Variants in MOXD1 observed in about 807,000 individuals in gnomAD.
MOXD1 encodes the protein monooxygenase DBH like 1, also known as DBH-like monooxygenase protein 1.
MOXD1 carries 62 observed loss-of-function variants against 66.6 expected under a neutral mutation model. The ratio of observed to expected loss-of-function variants is 0.93; its 90% CI spans 0.76 to 1.15. MOXD1 has a LOEUF of 1.15. Ranked by LOEUF, MOXD1 falls within the 50% of genes most tolerant of loss-of-function variation. The pLI, the probability that MOXD1 is intolerant of heterozygous loss-of-function variation, is 0.00. For missense variants in MOXD1, 847 were observed against 754.6 expected (o/e 1.12, Z -1.44); for synonymous variants, 303 against 281.9 (o/e 1.07, Z -0.75).
In MOXD1 at chr6:132,344,870, A is replaced by G. The variant is rs78398498; in HGVS notation, c.664-16276T>C. ...CTCACTCTCTGCTGAAAGCTGTTTC[A>G]TCACTCAGTAAAACTCTCCACCCTG... is the stretch of plus-strand genomic sequence containing the variant. On this transcript the variant is annotated intron_variant, in intron 4 of 11. Transcript: ENST00000367963. 2.1e-3 allele frequency among the ~76,000 whole-genome samples: 327 copies of G among 152,254 alleles called. 2 individuals carry two copies. The highest frequency in any genetic ancestry group is 7.7e-3 in the African/African-American group (318 of 41,546).
chr6:132,304,398 CA>C (rs568368118), intron 10 of MOXD1, among the ~76,000 whole-genome samples: 1 of 152,120 alleles, frequency 6.6e-6, no homozygotes, highest in Non-Finnish European at 1.5e-5. Flanking sequence ...TATCCCACCC[CA>C]AGCCAACTAA....
chr6:132,306,673 ACT>A (rs1476493870), intron 10 of MOXD1, among the ~76,000 whole-genome samples: 1 of 152,072 alleles, frequency 6.6e-6, no homozygotes, highest in Admixed American at 6.6e-5. Context: ...CTCAGCAGAA[ACT>A]CTACAAGCCA....
chr6:132,371,779 T>C (rs1052030224), intron 4 of MOXD1, among the ~76,000 whole-genome samples: 1 of 152,140 alleles, frequency 6.6e-6, no homozygotes, highest in Non-Finnish European at 1.5e-5. Context: ...TCATTCCTTA[T>C]CCACATCGCT....
intron 1 of MOXD1, among the ~76,000 whole-genome samples, chr6:132,385,107 G>C (rs1310050351): frequency 1.3e-5 from 2 of 152,328 alleles, no homozygotes; most frequent in East Asian, 3.9e-4. Context: ...GGAGCAGAAA[G>C]AAGGATGGCT....
At chr6:132,352,028 A>G (rs1424548950) in intron 4 of MOXD1, among the ~76,000 whole-genome samples, 1 of 152,094 alleles carries the variant, frequency 6.6e-6, no homozygotes, top group Non-Finnish European at 1.5e-5. Flanking sequence ...CTTCTAGGTT[A>G]ATCTTGTTAA....
intron 1 of MOXD1, among the ~76,000 whole-genome samples, chr6:132,396,670 T>A (rs534005278): frequency 1.9e-4 from 29 of 151,528 alleles, no homozygotes; most frequent in Admixed American, 7.2e-4. Flanking sequence ...CCACATAAAA[T>A]CAAAAATGAA....
chr6:132,349,408 T>C (rs978481523), intron 4 of MOXD1, among the ~76,000 whole-genome samples: 437 of 9,690 alleles, frequency 0.045, 56 homozygotes, highest in African/African-American at 0.14. Flanking sequence ...TATATATACA[T>C]ATATATATAT....
At chr6:132,378,353 A>G (rs1353723223) in intron 1 of MOXD1, among the ~76,000 whole-genome samples, 9 of 152,140 alleles carry the variant, frequency 5.9e-5, no homozygotes, top group South Asian at 2.1e-4. Flanking sequence ...TCTCTATGCA[A>G]GATTCCGAAA....
At chr6:132,317,225 A>G (rs547945392) in intron 9 of MOXD1, among the ~76,000 whole-genome samples, 1 of 152,130 alleles carries the variant, frequency 6.6e-6, no homozygotes, top group African/African-American at 2.4e-5. Flanking sequence ...AAGGTGAAAA[A>G]CTTAATATTG....
At chr6:132,317,769 C>T (rs567015306) in intron 9 of MOXD1, among the ~76,000 whole-genome samples, 1 of 152,136 alleles carries the variant, frequency 6.6e-6, no homozygotes, top group Non-Finnish European at 1.5e-5. Flanking sequence ...AGTACATTGA[C>T]TACTCCATGT....
Position 132,374,646 on chromosome 6 carries a change from A to G in MOXD1, c.396T>C (p.Asn132=), listed in dbSNP as rs1287766670. 1 of 1,613,826 alleles carries G rather than the reference A, an allele frequency of 6.2e-7. No individual in the cohort carries two copies. Among genetic ancestry groups the G allele is most frequent in the Non-Finnish European group, 8.5e-7 (1 of 1,179,962 alleles). ...FTRELHTCDI[N]DKSITDSTVR... ...GATGCCTTACCGTTATACTCTTGTCATTTATGTCACATGTATGCAGCTCTC... is the reference window on the plus strand; with the variant it reads ...GATGCCTTACCGTTATACTCTTGTCGTTTATGTCACATGTATGCAGCTCTC... The change falls in exon 2 of 12, where the codon AAT becomes AAC. Residue 132 remains asparagine, a synonymous_variant. Transcript: ENST00000367963.
intron 1 of MOXD1, among the ~76,000 whole-genome samples, chr6:132,386,762 C>T (rs575974211): frequency 6.6e-6 from 1 of 151,602 alleles, no homozygotes; most frequent in East Asian, 1.9e-4. Context: ...CTTCCAGTGA[C>T]AATGCTCATG....
chr6:132,344,982 GCTATGTGACAGGAACCAGCTGCC>G (rs1006483133), intron 4 of MOXD1, among the ~76,000 whole-genome samples: 3 of 152,194 alleles, frequency 2.0e-5, no homozygotes, highest in South Asian at 2.1e-4. Context: ...TGCAAAAGGA[GCTATGTGACAGGAACCAGCTGCC>G]CTATGTGACA....
chr6:132,363,259 G>A (rs1371844885), intron 4 of MOXD1, among the ~76,000 whole-genome samples: 2 of 151,158 alleles, frequency 1.3e-5, no homozygotes, highest in Non-Finnish European at 2.9e-5. Flanking sequence ...GGAAACAAGG[G>A]AGGTGATGAA....
intron 1 of MOXD1, among the ~76,000 whole-genome samples, chr6:132,377,378 G>A (rs1776415462): frequency 6.6e-6 from 1 of 152,156 alleles, no homozygotes; most frequent in African/African-American, 2.4e-5. Context: ...GATCCAAGCA[G>A]TTTTTGCAAT....
At chr6:132,392,816 T>C (rs950307319) in intron 1 of MOXD1, among the ~76,000 whole-genome samples, 1 of 152,236 alleles carries the variant, frequency 6.6e-6, no homozygotes, top group Non-Finnish European at 1.5e-5. Flanking sequence ...TGATCATACC[T>C]GTTAATATCC....
chr6:132,384,460 G>T (rs890395033), intron 1 of MOXD1, among the ~76,000 whole-genome samples: 1 of 152,124 alleles, frequency 6.6e-6, no homozygotes, highest in Non-Finnish European at 1.5e-5. Flanking sequence ...AGTTTAGTTG[G>T]GGGGGACAGA....
At chr6:132,379,757 T>A (rs1277377538) in intron 1 of MOXD1, among the ~76,000 whole-genome samples, 1 of 152,180 alleles carries the variant, frequency 6.6e-6, no homozygotes, top group African/African-American at 2.4e-5. Flanking sequence ...TTTACTTGAG[T>A]TCCTGAATTT....
chr6:132,379,477 G>A (rs758724028), intron 1 of MOXD1, among the ~76,000 whole-genome samples: 2 of 152,116 alleles, frequency 1.3e-5, no homozygotes, highest in Non-Finnish European at 2.9e-5. Flanking sequence ...CATTCTCCAC[G>A]TGGAAAGCCC....
Sources: gnomAD v4.1 joint callset for allele counts (sites outside exome capture counted in the v4.1 genomes callset) on GRCh38, gnomAD v4.1.1 for gene constraint, MANE v1.5 for transcripts, NCBI Gene and HGNC (gene_info 2026-07-23, HGNC 2026-07-21) for gene names.